The following CD2AP variants were observed in gnomAD, a reference collection of about 807,000 sequenced individuals.
The protein encoded by CD2AP is CD2-associated protein.
A neutral mutation model predicts 85.1 loss-of-function variants in CD2AP; 46 were observed. That is an observed-to-expected ratio of 0.54 (90% CI 0.43 to 0.69). The LOEUF (loss-of-function observed/expected upper bound fraction) is 0.69, where lower values mean the gene tolerates loss of function less well. Among genes scored for constraint, CD2AP ranks in the 30% least tolerant of loss-of-function variants. The pLI is 0.00. For synonymous variants in CD2AP, 255 were observed against 252.9 expected, an observed-to-expected ratio of 1.01 and a Z score of -0.08; for missense variants, 769 against 729.5, an observed-to-expected ratio of 1.05 and a Z score of -0.62.
chr6:47,537,722 G>C (rs1441068154), intron 3 of CD2AP, among the ~76,000 whole-genome samples: 3 of 151,976 alleles, frequency 2.0e-5, no homozygotes, highest in Non-Finnish European at 4.4e-5. Flanking sequence ...AGCAAAGTAG[G>C]CAGTATCTTG....
At chr6:47,541,416 G>C (rs1361539368) in intron 3 of CD2AP, among the ~76,000 whole-genome samples, 1 of 152,128 alleles carries the variant, frequency 6.6e-6, no homozygotes, top group African/African-American at 2.4e-5. Context: ...GAGCCTCCAC[G>C]TCCAGTCTGT....
intron 11 of CD2AP, among the ~76,000 whole-genome samples, chr6:47,590,338 A>G (rs1228421590): frequency 6.6e-6 from 1 of 152,162 alleles, no homozygotes; most frequent in Non-Finnish European, 1.5e-5. Context: ...ATATATAAGT[A>G]TATATAAATA....
intron 2 of CD2AP, among the ~76,000 whole-genome samples, chr6:47,521,507 G>C (rs115030597): frequency 0.035 from 5,226 of 151,082 alleles, 125 homozygotes; most frequent in Middle Eastern, 0.087. Context: ...AGCCGAAATC[G>C]CACCAGTGCA....
At chr6:47,529,289 G>GA (rs1210816948) in intron 2 of CD2AP, among the ~76,000 whole-genome samples, 3 of 142,340 alleles carry the variant, frequency 2.1e-5, no homozygotes, top group Non-Finnish European at 4.5e-5. Context: ...TAATGTTGAT[G>GA]AAAAAAAATT....
chr6:47,574,228 A>G lies in CD2AP; in HGVS notation c.706A>G (p.Thr236Ala), dbSNP rs996699348. 1.9e-6 allele frequency: 3 copies of G among 1,614,000 alleles called. No homozygotes were observed. Among genetic ancestry groups the G allele is most frequent in the Non-Finnish European group, 2.5e-6 (3 of 1,179,928 alleles). ...KLRTRTSSSE[T>A]EEKKPEKPLI... is the part of the protein sequence containing the mutation. ...TCGGACAAGAACATCCAGTAGTGAAACAGAAGAGAAAAAACCAGAAAAGGT... is the reference window on the plus strand; with the variant it reads ...TCGGACAAGAACATCCAGTAGTGAAGCAGAAGAGAAAAAACCAGAAAAGGT... The change falls in exon 6 of 18, where the codon ACA (threonine) becomes GCA (alanine). Residue 236 changes from threonine (T) to alanine (A), a missense_variant. Coordinates refer to ENST00000359314, the MANE Select transcript of CD2AP (RefSeq NM_012120.3).
At chr6:47,503,626 A>C (rs931899849) in intron 2 of CD2AP, among the ~76,000 whole-genome samples, 186 bp downstream of exon 2, 2 of 152,174 alleles carry the variant, frequency 1.3e-5, no homozygotes, top group Admixed American at 1.3e-4. Context: ...GCTGGATAGT[A>C]ATCCTCTATG....
rs141029774 is a variant in CD2AP, at chr6:47,626,582, G to A, written c.*2355G>A. On this transcript the variant is annotated 3_prime_UTR_variant, in exon 18 of 18. Coordinates refer to ENST00000359314, the MANE Select transcript of CD2AP (RefSeq NM_012120.3). ...ATTAATTTCTGAATTGTATTTCAGT[G>A]TTATTTTTTGTTTGTGACCACTAAG... 3.3e-3 allele frequency: 510 copies of A among 152,402 alleles called. 4 individuals are homozygous for A. Among genetic ancestry groups the A allele is most frequent in the South Asian group, 0.013 (63 of 4,822 alleles). The allele number at this position is 152,402 out of a possible 1,614,324, so 9.4% of individuals were successfully genotyped here.
chr6:47,562,325 A>G (rs1393310194), intron 5 of CD2AP, among the ~76,000 whole-genome samples: 3 of 152,202 alleles, frequency 2.0e-5, no homozygotes, highest in Non-Finnish European at 4.4e-5. Flanking sequence ...AGAAAGTGAC[A>G]GGAAAAAATG....
intron 1 of CD2AP, among the ~76,000 whole-genome samples, chr6:47,493,705 G>A (rs760419274): frequency 1.4e-4 from 21 of 152,074 alleles, no homozygotes; most frequent in Non-Finnish European, 2.5e-4. Flanking sequence ...ACCTCTTGAA[G>A]TTTTTCACAG....
rs534632027 is a variant in CD2AP at position 47,571,888 on chromosome 6, G to A, written c.542-2176G>A. On this transcript the variant is annotated intron_variant, in intron 5 of 17. Transcript: ENST00000359314. ...CCCTAAAAAAGCTTCACACTAATGT[G>A]CAAATAACTTACCTGCTTGCCAGAA... Among the ~76,000 whole-genome samples the A allele has an allele frequency of 7.9e-5, 12 of 152,204 alleles. No homozygotes were observed. The East Asian group carries it at 2.1e-3, about 27-fold the overall frequency.
chr6:47,523,709 T>C (rs760819944), intron 2 of CD2AP, among the ~76,000 whole-genome samples: 11 of 152,152 alleles, frequency 7.2e-5, no homozygotes, highest in Non-Finnish European at 1.3e-4. Flanking sequence ...AGAAATACTT[T>C]ATACAGGTAA....
At chr6:47,488,622 G>A (rs1182779814) in intron 1 of CD2AP, among the ~76,000 whole-genome samples, 1 of 151,346 alleles carries the variant, frequency 6.6e-6, no homozygotes, top group African/African-American at 2.4e-5. Flanking sequence ...CATTTCAAGT[G>A]CTCAATATTT....
chr6:47,570,288 TGAA>T (rs1023615602), intron 5 of CD2AP, among the ~76,000 whole-genome samples: 2 of 152,186 alleles, frequency 1.3e-5, no homozygotes, highest in Non-Finnish European at 2.9e-5. Context: ...AGAGATTTAA[TGAA>T]GAAGGAGGAG....
In CD2AP at chr6:47,624,989, A is replaced by G. The variant is rs1006749024; in HGVS notation, c.*762A>G. ...GTTGGATTGTTAAACATTTGGGGAA[A>G]TATGAACTGTATTTTAAATTTGTTA... On this transcript the variant is annotated 3_prime_UTR_variant, in exon 18 of 18. Transcript: ENST00000359314. 27 of 151,968 alleles carry G rather than the reference A, an allele frequency of 1.8e-4. No homozygotes were observed. Among genetic ancestry groups the G allele is most frequent in the African/African-American group, 4.6e-4 (19 of 41,412 alleles). The allele number at this position is 151,968 out of a possible 1,614,324, so 9.4% of individuals were successfully genotyped here.
chr6:47,564,715 G>A (rs1767945732), intron 5 of CD2AP, among the ~76,000 whole-genome samples: 2 of 152,022 alleles, frequency 1.3e-5, no homozygotes, highest in Non-Finnish European at 2.9e-5. Context: ...TATATAAGGA[G>A]TAACTACTTA....
intron 5 of CD2AP, among the ~76,000 whole-genome samples, chr6:47,568,311 T>C (rs1402637111): frequency 6.6e-6 from 1 of 152,220 alleles, no homozygotes; most frequent in African/African-American, 2.4e-5. Context: ...TTGGAGATAT[T>C]AAATTTGAGG....
intron 17 of CD2AP, among the ~76,000 whole-genome samples, chr6:47,613,345 A>G (rs1287354800): frequency 6.6e-6 from 1 of 152,176 alleles, no homozygotes; most frequent in Admixed American, 6.5e-5. Flanking sequence ...TGTATCTTAA[A>G]TAATAAGAAT....
Position 47,487,185 on chromosome 6 carries a change from A to G in CD2AP, c.4+8937A>G, listed in dbSNP as rs190794913. Among the ~76,000 whole-genome samples the G allele has an allele frequency of 3.5e-4, 53 of 152,358 alleles. No individual in the cohort carries two copies. In the East Asian group the frequency reaches 9.2e-3, roughly 27 times the overall value. On this transcript the variant is annotated intron_variant, in intron 1 of 17. Coordinates refer to ENST00000359314, the MANE Select transcript of CD2AP (RefSeq NM_012120.3). ...ACTAATTTGGCCATTCTTAACAAAC[A>G]TATTTTAGGAAGCAGATCAAAACAA...
rs766268810 is a variant in CD2AP at position 47,478,238 on chromosome 6, C to G, written c.-7C>G. Reference sequence around the variant, plus strand: ...GACGTCGGCTTCTCCCCGCGGGAGCCCCCAGCATGGGTAAGAGACTCGGGC... The same window carrying G: ...GACGTCGGCTTCTCCCCGCGGGAGCGCCCAGCATGGGTAAGAGACTCGGGC... On this transcript the variant is annotated 5_prime_UTR_variant, in exon 1 of 18. Transcript: ENST00000359314. The G allele has an allele frequency of 3.2e-6, 5 of 1,572,106 alleles. No individual in the cohort carries two copies. The East Asian group carries it at 7.0e-5, about 22-fold the overall frequency.
Sources: gnomAD v4.1 joint callset for allele counts (sites outside exome capture counted in the v4.1 genomes callset) on GRCh38, gnomAD v4.1.1 for gene constraint, MANE v1.5 for transcripts, NCBI Gene and HGNC (gene_info 2026-07-23, HGNC 2026-07-21) for gene names.